Variants in TMPRSS9 observed in about 807,000 individuals in gnomAD.
TMPRSS9 encodes the protein transmembrane serine protease 9, also known as transmembrane protease serine 9.
TMPRSS9 carries 113 observed loss-of-function variants against 111.4 expected under a neutral mutation model. The observed-to-expected ratio is 1.01, with a 90% CI of 0.87 to 1.19. The LOEUF (loss-of-function observed/expected upper bound fraction) is 1.19, where lower values mean the gene tolerates loss of function less well. Among genes scored for constraint, TMPRSS9 ranks in the 50% most tolerant of loss-of-function variants. The pLI is 0.00. For missense variants in TMPRSS9, 1,803 were observed against 1,513.1 expected (o/e 1.19, Z -3.18); for synonymous variants, 805 against 659.1 (o/e 1.22, Z -3.39).
chr19:2,425,228 C>A (rs1238038923), exon 16 of TMPRSS9: 23 of 1,444,606 alleles, frequency 1.6e-5, no homozygotes, highest in Non-Finnish European at 1.9e-5. Flanking sequence ...GGACGGCACG[C>A]GCTGCGTCAT....
chr19:2,364,978 CA>C (rs74649862), intron 1 of TMPRSS9, among the ~76,000 whole-genome samples: 16,133 of 133,170 alleles, frequency 0.12, 964 homozygotes, highest in East Asian at 0.25. Flanking sequence ...GACTCCATCT[CA>C]AAAAAAAAAA....
chr19:2,416,854 G>A (rs1311227399), intron 12 of TMPRSS9, 45 bp downstream of exon 13: 30 of 1,559,896 alleles, frequency 1.9e-5, no homozygotes, highest in Non-Finnish European at 2.4e-5. Flanking sequence ...TATTCTCCAG[G>A]GCCTGGCCTG....
chr19:2,425,015 A>C, exon 16 of TMPRSS9: 1 of 1,537,100 alleles, frequency 6.5e-7, no homozygotes, highest in African/African-American at 1.4e-5. Context: ...CGGGGACCCC[A>C]AGCAGTGGGC....
At chr19:2,381,578 C>T (rs533853940) in intron 1 of TMPRSS9, among the ~76,000 whole-genome samples, 14 of 151,690 alleles carry the variant, frequency 9.2e-5, no homozygotes, top group South Asian at 8.4e-4. Flanking sequence ...GCCTCCCCAC[C>T]GCCCCTGCCT....
At chr19:2,422,853 A>G (rs1319229579) in intron 14 of TMPRSS9, among the ~76,000 whole-genome samples, 7 of 152,106 alleles carry the variant, frequency 4.6e-5, no homozygotes, top group Admixed American at 2.0e-4. Context: ...GTGCCATTGC[A>G]CTCCAGCCTG....
chr19:2,396,716 G>A (rs1261501272), intron 2 of TMPRSS9, 50 bp downstream of exon 3: 3 of 1,564,328 alleles, frequency 1.9e-6, no homozygotes, highest in East Asian at 2.3e-5. Context: ...GGGTGGCCGG[G>A]GGCTTTGACC....
Position 2,403,333 on chromosome 19 carries a change from A to G in TMPRSS9, c.670+138A>G, listed in dbSNP as rs999366190. 24 of 700,020 alleles carry G rather than the reference A, an allele frequency of 3.4e-5. No individual in the cohort carries two copies. In the Admixed American group the frequency reaches 5.8e-4, roughly 17 times the overall value. The allele number at this position is 700,020 out of a possible 1,614,324, so 43.4% of individuals were successfully genotyped here. On this transcript the variant is annotated intron_variant, in intron 6 of 17. Transcript: ENST00000648592. ...TTATGGGGGCTGGGCAGAGAAAAGA[A>G]AGGGGCACCCATGGTATGGGGAGAA...
chr19:2,411,708 C>T (rs914813634), intron 9 of TMPRSS9, among the ~76,000 whole-genome samples: 6 of 152,132 alleles, frequency 3.9e-5, no homozygotes, highest in African/African-American at 9.7e-5. Flanking sequence ...CCCACCACCA[C>T]GCCTGGATAA....
chr19:2,364,978 CAAAAAAAAAAAA>C (rs74649862), intron 1 of TMPRSS9, among the ~76,000 whole-genome samples: 1 of 133,378 alleles, frequency 7.5e-6, no homozygotes, highest in Admixed American at 7.6e-5. Context: ...GACTCCATCT[CAAAAAAAAAAAA>C]AAGAGCAAAA....
At position 2,405,606 on chromosome 19, in the gene TMPRSS9, T is replaced by G. The variant is rs1225624846; in HGVS notation, c.842+61T>G. 8 of 1,432,638 alleles carry G rather than the reference T, an allele frequency of 5.6e-6. No individual in the cohort carries two copies. The Admixed American group carries it at 8.7e-5, about 16-fold the overall frequency. The allele number at this position is 1,432,638 out of a possible 1,614,324, so 88.7% of individuals were successfully genotyped here. On this transcript the variant is annotated intron_variant, in intron 7 of 17. Transcript: ENST00000648592. ...TCTGTATTTCTCCTGCCTTCCCTCGTGCACTGGGGACGTCACTTCTGGTTT... is the reference window on the plus strand; with the variant it reads ...TCTGTATTTCTCCTGCCTTCCCTCGGGCACTGGGGACGTCACTTCTGGTTT...
Position 2,368,164 on chromosome 19 carries a change from C to T in TMPRSS9, c.-26+7804C>T, listed in dbSNP as rs535413431. Among the ~76,000 whole-genome samples, 36 of 152,232 alleles carry T rather than the reference C, an allele frequency of 2.4e-4. 2 individuals are homozygous for T. The South Asian group carries it at 6.0e-3, about 25-fold the overall frequency. ...TGCTCTTTCAGGAGGCATTAGGCTA[C>T]GGAACGGAGAGACTGCACATGGCGG... On this transcript the variant is annotated intron_variant, in intron 1 of 17. Transcript: ENST00000649857.
upstream of TMPRSS9, among the ~76,000 whole-genome samples, chr19:2,385,230 T>C (rs546293191): frequency 6.8e-6 from 1 of 146,714 alleles, no homozygotes; most frequent in South Asian, 2.2e-4. Flanking sequence ...GGGGCGGGGC[T>C]CGCACAGGGC....
chr19:2,361,358 AGTCTGGGGTGGGAGGGGG>A (rs1370511923), intron 1 of TMPRSS9, among the ~76,000 whole-genome samples: 2 of 13,108 alleles, frequency 1.5e-4, no homozygotes, highest in African/African-American at 6.8e-4. Flanking sequence ...GTGGGAGGTG[AGTCTGGGGTGGGAGGGGG>A]GGCTGGGGTG....
At chr19:2,418,254 C>CATTCCCTCCTGTTT in intron 13 of TMPRSS9, 116 bp downstream of exon 14, 1 of 1,024,134 alleles carries the variant, frequency 9.8e-7, no homozygotes. Context: ...TTCCCCCCCT[C>CATTCCCTCCTGTTT]CTTCCCTCCT....
At chr19:2,396,367 G>A (rs911916324) in intron 1 of TMPRSS9, 172 bp from the exon 3 acceptor site, 1 of 701,694 alleles carries the variant, frequency 1.4e-6, no homozygotes, top group Non-Finnish European at 2.1e-6. Context: ...TTGAGGGAGA[G>A]CCCTGTGAGT....
chr19:2,390,176 GAC>G (rs1295466901), intron 1 of TMPRSS9, among the ~76,000 whole-genome samples: 1 of 150,658 alleles, frequency 6.6e-6, no homozygotes, highest in African/African-American at 2.4e-5. Context: ...GAGAAACAGA[GAC>G]AGGGAAATGA....
intron 15 of TMPRSS9, 117 bp from the exon 17 acceptor site, chr19:2,424,885 A>T (rs1971569343): frequency 7.9e-6 from 10 of 1,267,640 alleles, no homozygotes; most frequent in Admixed American, 7.7e-5. Context: ...CGACAGCCAG[A>T]GACCAAGAGG....
At chr19:2,379,690 TTTCC>T (rs1162044357) in intron 1 of TMPRSS9, among the ~76,000 whole-genome samples, 39 of 151,292 alleles carry the variant, frequency 2.6e-4, no homozygotes, top group African/African-American at 8.7e-4. Context: ...TTTTTCTTTC[TTTCC>T]TTCCTTCCTT....
intron 14 of TMPRSS9, 107 bp from the exon 16 acceptor site, chr19:2,423,982 T>C (rs1599320562): frequency 8.5e-7 from 1 of 1,179,514 alleles, no homozygotes; most frequent in Non-Finnish European, 1.1e-6. Flanking sequence ...CATCACAACC[T>C]ACTCCCTGGG....
Sources: gnomAD v4.1 joint callset for allele counts (sites outside exome capture counted in the v4.1 genomes callset) on GRCh38, gnomAD v4.1.1 for gene constraint, MANE v1.5 for transcripts, NCBI Gene and HGNC (gene_info 2026-07-23, HGNC 2026-07-21) for gene names.